The following AGO3 variants were observed in gnomAD, a reference collection of about 807,000 sequenced individuals.
The protein encoded by AGO3 is argonaute RISC catalytic component 3.
In AGO3, 16 loss-of-function variants were observed where a neutral mutation model predicts 105.5. The observed-to-expected ratio is 0.15, with a 90% CI of 0.10 to 0.23. The LOEUF (loss-of-function observed/expected upper bound fraction) is 0.23, where lower values mean the gene tolerates loss of function less well. AGO3 is among the 10% of genes least tolerant of loss of function. The pLI is 1.00. For synonymous variants in AGO3, 340 were observed against 367.3 expected (o/e 0.93, Z 0.85); for missense variants, 534 against 1,088.0 (o/e 0.49, Z 7.16).
intron 2 of AGO3, among the ~76,000 whole-genome samples, chr1:35,959,133 C>T (rs1315994237): frequency 6.6e-6 from 1 of 152,134 alleles, no homozygotes; most frequent in Non-Finnish European, 1.5e-5. Flanking sequence ...ATTAAAGTTT[C>T]TCTCTTCCCA....
At position 36,061,062 on chromosome 1, in the gene AGO3, T is replaced by C. The variant is rs1643020450; in HGVS notation, c.*5317T>C. 6.6e-6 allele frequency: 1 copy of C among 152,148 alleles called. No individual in the cohort carries two copies. The highest frequency in any genetic ancestry group is 2.4e-5 in the African/African-American group (1 of 41,430). The allele number at this position is 152,148 out of a possible 1,614,324, so 9.4% of individuals were successfully genotyped here. On this transcript the variant is annotated 3_prime_UTR_variant, in exon 19 of 19. Transcript: ENST00000373191. ...CAGAAATCAGAAAGTGAGAATTTTC[T>C]CCAAAAAATCTTTTTAAAAAAGTCC... is the stretch of plus-strand genomic sequence containing the variant.
chr1:35,939,080 G>T (rs1646205701), intron 1 of AGO3, among the ~76,000 whole-genome samples: 2 of 152,074 alleles, frequency 1.3e-5, no homozygotes, highest in African/African-American at 4.8e-5. Context: ...GTATTTCTGT[G>T]TAGTTATATT....
chr1:36,049,055 T>C (rs1004419733), intron 17 of AGO3, among the ~76,000 whole-genome samples: 1 of 151,924 alleles, frequency 6.6e-6, no homozygotes, highest in African/African-American at 2.4e-5. Context: ...TACAGCAACA[T>C]AGATGGAGCT....
At chr1:35,953,183 C>T (rs1646504195) in intron 2 of AGO3, among the ~76,000 whole-genome samples, 1 of 152,038 alleles carries the variant, frequency 6.6e-6, no homozygotes, top group Non-Finnish European at 1.5e-5. Flanking sequence ...AATCCCAACA[C>T]TTTGGGATGC....
intron 5 of AGO3, among the ~76,000 whole-genome samples, chr1:35,975,805 T>A (rs1414703841): frequency 6.6e-6 from 1 of 152,178 alleles, no homozygotes; most frequent in African/African-American, 2.4e-5. Context: ...TTAGGACAAA[T>A]TGGCATATTT....
chr1:35,932,518 A>G (rs1646071074), intron 1 of AGO3, among the ~76,000 whole-genome samples: 1 of 151,818 alleles, frequency 6.6e-6, no homozygotes, highest in African/African-American at 2.4e-5. Flanking sequence ...GCAAAAAAGC[A>G]CTCAAACTGG....
At chr1:35,939,639 A>G (rs1239646519) in intron 1 of AGO3, among the ~76,000 whole-genome samples, 2 of 152,192 alleles carry the variant, frequency 1.3e-5, no homozygotes, top group Admixed American at 6.5e-5. Context: ...GTTAACTGCT[A>G]CTTTGGGCAG....
chr1:36,056,303 T>A lies in AGO3; in HGVS notation c.*558T>A, dbSNP rs2148866417. ...TGTCTGTTATATATTTTAGAGTTCA[T>A]TCCATTGGGGAATTTTCTTTCCCTT... On this transcript the variant is annotated 3_prime_UTR_variant, in exon 19 of 19. Transcript: ENST00000373191. 6.6e-6 allele frequency: 1 copy of A among 152,420 alleles called. No homozygotes were observed. The highest frequency in any genetic ancestry group is 2.1e-4 in the South Asian group (1 of 4,834). 9.4% of individuals were successfully genotyped at this position (152,420 alleles called of 1,614,324 possible). A position where few individuals can be genotyped will look rare whatever the true frequency, so the allele number is the denominator to read the frequency against.
intron 2 of AGO3, among the ~76,000 whole-genome samples, chr1:35,958,210 G>A (rs911375739): frequency 7.2e-5 from 11 of 151,726 alleles, no homozygotes; most frequent in African/African-American, 2.4e-4. Flanking sequence ...GTGAAATCCC[G>A]TTTCTACTAA....
At chr1:36,029,358 G>A (rs1641656404) in intron 12 of AGO3, among the ~76,000 whole-genome samples, 1 of 148,752 alleles carries the variant, frequency 6.7e-6, no homozygotes, top group Non-Finnish European at 1.5e-5. Flanking sequence ...ATTTGACTGA[G>A]TACTGAGTAA....
chr1:35,955,153 T>C (rs1200143167), intron 2 of AGO3, among the ~76,000 whole-genome samples: 2 of 152,146 alleles, frequency 1.3e-5, no homozygotes, highest in Admixed American at 6.5e-5. Flanking sequence ...AGAGAGCCAA[T>C]AGAACCTTTT....
intron 5 of AGO3, among the ~76,000 whole-genome samples, chr1:36,002,414 C>T (rs934267694): frequency 6.8e-5 from 10 of 147,920 alleles, no homozygotes; most frequent in Admixed American, 4.7e-4. Context: ...ACTGCAACCT[C>T]GGCCTCCCAG....
At chr1:36,032,771 C>G (rs1241892726) in intron 12 of AGO3, among the ~76,000 whole-genome samples, 1 of 152,190 alleles carries the variant, frequency 6.6e-6, no homozygotes, top group African/African-American at 2.4e-5. Context: ...GGGTGGATCA[C>G]TTGAGGTCAG....
intron 17 of AGO3, among the ~76,000 whole-genome samples, chr1:36,048,854 A>G (rs1241881687): frequency 6.6e-6 from 1 of 152,096 alleles, no homozygotes; most frequent in East Asian, 1.9e-4. Flanking sequence ...CACACAAGGC[A>G]TGCATCACCA....
intron 3 of AGO3, among the ~76,000 whole-genome samples, chr1:35,969,793 A>G (rs531444881): frequency 2.0e-5 from 3 of 152,232 alleles, no homozygotes; most frequent in Non-Finnish European, 4.4e-5. Flanking sequence ...TATTATTGCT[A>G]TAAACCTATA....
intron 1 of AGO3, among the ~76,000 whole-genome samples, chr1:35,934,018 A>G (rs1335979377): frequency 2.6e-5 from 4 of 152,206 alleles, no homozygotes; most frequent in East Asian, 1.9e-4. Flanking sequence ...AAAAGGTGAA[A>G]TTAGTTAAAA....
At chr1:36,009,696 TG>T in intron 9 of AGO3, 102 bp downstream of exon 9, 5 of 1,184,796 alleles carry the variant, frequency 4.2e-6, no homozygotes, top group Non-Finnish European at 5.8e-6. Flanking sequence ...GACCATTTCA[TG>T]GACTGTCAGA....
At chr1:36,041,853 A>G (rs532579328) in intron 16 of AGO3, among the ~76,000 whole-genome samples, 3 of 152,276 alleles carry the variant, frequency 2.0e-5, no homozygotes, top group African/African-American at 7.2e-5. Context: ...AAAATACGTA[A>G]TGCACTTAGA....
chr1:36,019,024 C>T lies in AGO3; in HGVS notation c.1406+4976C>T, dbSNP rs548711978. 4.3e-4 allele frequency among the ~76,000 whole-genome samples: 65 copies of T among 152,148 alleles called. 1 individual carries two copies. Among genetic ancestry groups the T allele is most frequent in the Non-Finnish European group, 7.1e-4 (48 of 67,980 alleles). On this transcript the variant is annotated intron_variant, in intron 11 of 18. Transcript: ENST00000373191. Reference sequence around the variant, plus strand: ...TGGGCCTTTCTAAGTTGTGAGATTACAAACCCAAGCTTCAGGGTCCTGAAG... The same window carrying T: ...TGGGCCTTTCTAAGTTGTGAGATTATAAACCCAAGCTTCAGGGTCCTGAAG...
Sources: allele counts gnomAD v4.1 joint callset (sites outside exome capture counted in the v4.1 genomes callset), GRCh38; gene constraint gnomAD v4.1.1; transcripts MANE v1.5; gene names NCBI Gene and HGNC (gene_info 2026-07-23, HGNC 2026-07-21).